DNAH14: variants seen among roughly 807,000 people sequenced by gnomAD.
The protein encoded by DNAH14 is axonemal beta dynein heavy chain 14.
DNAH14 carries 478 observed loss-of-function variants against 520.9 expected under a neutral mutation model. That is an observed-to-expected ratio of 0.92 (90% CI 0.85 to 0.99). DNAH14 has a LOEUF of 0.99. DNAH14 is among the 50% of genes least tolerant of loss of function. The pLI, the probability that DNAH14 is intolerant of heterozygous loss-of-function variation, is 0.00. For missense variants in DNAH14, 4,831 were observed against 5,234.5 expected, an observed-to-expected ratio of 0.92 and a Z score of 2.38; for synonymous variants, 1,581 against 1,757.2, an observed-to-expected ratio of 0.90 and a Z score of 2.51.
chr1:225,301,026 AAAAGGTACT>A lies in DNAH14; in HGVS notation c.8628_8631+5del. ...AGGCAATCTTTACTTTCATTCTTTCAAAAGGTACTTTTTTGTGACTTGGCTTTATCAAAT... is the reference window on the plus strand; with the variant it reads ...AGGCAATCTTTACTTTCATTCTTTCATTTTTGTGACTTGGCTTTATCAAAT... On this transcript the variant is annotated splice_donor_variant and splice_donor_5th_base_variant and coding_sequence_variant and intron_variant, in exon 56 of 86. Coordinates refer to ENST00000682510, the MANE Select transcript of DNAH14 (RefSeq NM_001367479.1). LOFTEE classifies it high-confidence loss of function. 6.5e-7 allele frequency: 1 copy of A among 1,547,734 alleles called. No homozygotes were observed. The highest frequency in any genetic ancestry group is 8.7e-7 in the Non-Finnish European group (1 of 1,145,784).
chr1:225,392,566 A>G, intron 84 of DNAH14, 115 bp downstream of exon 84: 1 of 1,261,652 alleles, frequency 7.9e-7, no homozygotes, highest in Non-Finnish European at 1.1e-6. Context: ...GCCAGGCACT[A>G]GACAGGCAGA....
intron 27 of DNAH14, among the ~76,000 whole-genome samples, chr1:225,130,351 T>G (rs2078256778): frequency 6.6e-6 from 1 of 152,002 alleles, no homozygotes; most frequent in Non-Finnish European, 1.5e-5. Flanking sequence ...ATCATGCTGC[T>G]ATAAAGACAC....
chr1:225,386,789 G>A (rs1255542252), intron 81 of DNAH14, among the ~76,000 whole-genome samples: 2 of 152,244 alleles, frequency 1.3e-5, no homozygotes, highest in Admixed American at 6.5e-5. Context: ...TGGTGGGACT[G>A]TAAACTAGTT....
intron 49 of DNAH14, among the ~76,000 whole-genome samples, chr1:225,270,445 CATGTACCCTAGA>C (rs1348511755): frequency 6.6e-6 from 1 of 152,092 alleles, no homozygotes; most frequent in African/African-American, 2.4e-5. Context: ...ACATTGTGCA[CATGTACCCTAGA>C]ATTTAAAGTA....
chr1:225,281,526 A>T (rs746558406), intron 54 of DNAH14, among the ~76,000 whole-genome samples: 1 of 152,148 alleles, frequency 6.6e-6, no homozygotes, highest in Non-Finnish European at 1.5e-5. Context: ...CAGAGATCAT[A>T]ATGGGGACAT....
At chr1:225,012,028 G>T (rs1349725469) in intron 10 of DNAH14, among the ~76,000 whole-genome samples, 2 of 152,058 alleles carry the variant, frequency 1.3e-5, no homozygotes, top group African/African-American at 4.8e-5. Flanking sequence ...ATTAGTTGAT[G>T]CAGTTTCTTC....
At chr1:225,027,988 C>T (rs1291038400) in intron 11 of DNAH14, among the ~76,000 whole-genome samples, 2 of 151,978 alleles carry the variant, frequency 1.3e-5, no homozygotes, top group Non-Finnish European at 1.5e-5. Context: ...ATAAATCCCA[C>T]TTAATTTTAG....
chr1:225,338,306 T>C (rs1391311593), intron 68 of DNAH14, 124 bp downstream of exon 68: 7 of 1,264,674 alleles, frequency 5.5e-6, no homozygotes. Flanking sequence ...GTCTTTGGAA[T>C]ATTCTTTTTG....
chr1:224,973,954 G>A (rs986608942), intron 7 of DNAH14, 137 bp from the exon 8 acceptor site: 1 of 403,388 alleles, frequency 2.5e-6, no homozygotes, highest in Admixed American at 5.0e-5. Context: ...ATATGGCTTA[G>A]CATTTCCTTT....
At chr1:225,081,703 G>A (rs957050126) in intron 19 of DNAH14, among the ~76,000 whole-genome samples, 13 of 152,112 alleles carry the variant, frequency 8.5e-5, no homozygotes, top group African/African-American at 3.1e-4. Context: ...GAGTGTATGG[G>A]TGAAGTTTTC....
At chr1:225,358,426 AT>A in intron 73 of DNAH14, 69 bp from the exon 74 acceptor site, 1 of 1,291,984 alleles carries the variant, frequency 7.7e-7, no homozygotes, top group Non-Finnish European at 1.0e-6. Context: ...TTTTTGTTTC[AT>A]TTTACCATAG....
At chr1:225,392,825 G>A (rs745610673) in intron 84 of DNAH14, among the ~76,000 whole-genome samples, 4 of 152,166 alleles carry the variant, frequency 2.6e-5, no homozygotes, top group African/African-American at 7.2e-5. Flanking sequence ...CCCAGCAACC[G>A]ACTTATTCCA....
intron 17 of DNAH14, among the ~76,000 whole-genome samples, chr1:225,076,026 G>T (rs2072232587): frequency 1.5e-5 from 1 of 67,718 alleles, no homozygotes; most frequent in Admixed American, 1.5e-4. Flanking sequence ...TGAACCTGTT[G>T]ACTGGGTCTG....
chr1:225,117,288 A>G (rs1196087491), intron 23 of DNAH14, among the ~76,000 whole-genome samples: 1 of 151,910 alleles, frequency 6.6e-6, no homozygotes, highest in Non-Finnish European at 1.5e-5. Flanking sequence ...GGGAAATAAG[A>G]GCAGAAAGTC....
At chr1:224,977,278 A>T (rs563237208) in intron 8 of DNAH14, among the ~76,000 whole-genome samples, 2 of 146,518 alleles carry the variant, frequency 1.4e-5, no homozygotes, top group African/African-American at 5.0e-5. Flanking sequence ...ATAGGTGGGA[A>T]TTGAACAATG....
chr1:225,061,501 G>A lies in DNAH14; in HGVS notation c.2424+9706G>A, dbSNP rs1288081295. ...CCTCACTCTGCTTTGGCTCATGCTCGGTGCGCAGCACCCACTGTCCTGCAC... is the reference window on the plus strand; with the variant it reads ...CCTCACTCTGCTTTGGCTCATGCTCAGTGCGCAGCACCCACTGTCCTGCAC... On this transcript the variant is annotated intron_variant, in intron 17 of 85. Transcript: ENST00000682510. Among the ~76,000 whole-genome samples the A allele has an allele frequency of 4.6e-5, 7 of 152,280 alleles. No homozygotes were observed. The South Asian group carries it at 8.3e-4, about 18-fold the overall frequency.
At chr1:225,114,177 C>G (rs2076690902) in intron 23 of DNAH14, among the ~76,000 whole-genome samples, 1 of 152,132 alleles carries the variant, frequency 6.6e-6, no homozygotes, top group Non-Finnish European at 1.5e-5. Context: ...TATTCGGGGC[C>G]CAAGGGCTGT....
chr1:225,070,479 G>T (rs2071427906), intron 17 of DNAH14, among the ~76,000 whole-genome samples: 1 of 152,172 alleles, frequency 6.6e-6, no homozygotes, highest in Non-Finnish European at 1.5e-5. Context: ...AAGTCATTCA[G>T]GAGCAGCTTA....
intron 8 of DNAH14, among the ~76,000 whole-genome samples, chr1:224,977,789 T>C (rs1189610353): frequency 6.6e-6 from 1 of 152,190 alleles, no homozygotes; most frequent in Non-Finnish European, 1.5e-5. Context: ...AAGGGATTAA[T>C]ATGCAGAATA....
Sources: allele counts gnomAD v4.1 joint callset (sites outside exome capture counted in the v4.1 genomes callset), GRCh38; gene constraint gnomAD v4.1.1; transcripts MANE v1.5; gene names NCBI Gene and HGNC (gene_info 2026-07-23, HGNC 2026-07-21).